The following FNDC3B variants were observed in gnomAD, a reference collection of about 807,000 sequenced individuals.
FNDC3B encodes the protein fibronectin type III domain-containing protein 3B.
Under a neutral mutation model 151.5 loss-of-function variants are expected in FNDC3B, and 12 were observed. The ratio of observed to expected loss-of-function variants is 0.08; its 90% CI spans 0.05 to 0.13. The LOEUF (loss-of-function observed/expected upper bound fraction) is 0.13, where lower values mean the gene tolerates loss of function less well. FNDC3B is among the 10% of genes least tolerant of loss of function. The probability of loss-of-function intolerance (pLI) is 1.00; values close to 1 mark genes in which losing one functional copy is unlikely to be tolerated. For synonymous variants in FNDC3B, 528 were observed against 549.0 expected, an observed-to-expected ratio of 0.96 and a Z score of 0.54; for missense variants, 1,214 against 1,505.3, an observed-to-expected ratio of 0.81 and a Z score of 3.20.
rs540662167 is a variant in FNDC3B at position 172,137,032 on chromosome 3, T to A, written c.187+3486T>A. Among the ~76,000 whole-genome samples, 43 of 152,294 alleles carry A rather than the reference T, an allele frequency of 2.8e-4. No homozygotes were observed. In the South Asian group the frequency reaches 8.3e-3, roughly 29 times the overall value. On this transcript the variant is annotated intron_variant, in intron 3 of 25. Coordinates refer to ENST00000415807, the MANE Select transcript of FNDC3B (RefSeq NM_022763.4). ...TTTTTCTAAATTGAGGGGAAGGTGA[T>A]GGGTGGTGGTGGCCTTCCTGGAAAT...
At chr3:172,098,759 C>T (rs770388700) in intron 1 of FNDC3B, among the ~76,000 whole-genome samples, 1 of 152,128 alleles carries the variant, frequency 6.6e-6, no homozygotes, top group Non-Finnish European at 1.5e-5. Flanking sequence ...TGGTTGTGAA[C>T]AACACTGGCT....
At chr3:172,336,194 A>T (rs1171394684) in intron 15 of FNDC3B, among the ~76,000 whole-genome samples, 6 of 152,248 alleles carry the variant, frequency 3.9e-5, no homozygotes, top group Non-Finnish European at 8.8e-5. Flanking sequence ...CTAAATTTAT[A>T]TATAAGTAAA....
At chr3:172,123,581 G>A (rs2108558011) in intron 2 of FNDC3B, among the ~76,000 whole-genome samples, 1 of 152,192 alleles carries the variant, frequency 6.6e-6, no homozygotes, top group East Asian at 1.9e-4. Context: ...GTGACATACA[G>A]AAGGATGTGC....
chr3:172,393,530 A>G (rs1467612840), intron 25 of FNDC3B, among the ~76,000 whole-genome samples: 3 of 152,220 alleles, frequency 2.0e-5, no homozygotes, highest in Non-Finnish European at 2.9e-5. Flanking sequence ...TCCAACAGCA[A>G]CTGTATACAC....
chr3:172,197,422 C>T (rs546703385), intron 3 of FNDC3B, among the ~76,000 whole-genome samples: 2 of 152,198 alleles, frequency 1.3e-5, no homozygotes, highest in East Asian at 3.9e-4. Flanking sequence ...TTGTATTTCC[C>T]ATAAACAAGG....
chr3:172,129,119 C>A (rs1460643265), intron 2 of FNDC3B, among the ~76,000 whole-genome samples: 1 of 152,152 alleles, frequency 6.6e-6, no homozygotes, highest in Non-Finnish European at 1.5e-5. Flanking sequence ...CAGGAATGCA[C>A]CACCATGTCC....
chr3:172,312,644 G>GTGCGTGCATGCACACACTCGTGCA (rs1731573733), intron 11 of FNDC3B, among the ~76,000 whole-genome samples: 1 of 151,816 alleles, frequency 6.6e-6, no homozygotes, highest in African/African-American at 2.4e-5. Context: ...GTGTATGTGC[G>GTGCGTGCATGCACACACTCGTGCA]TGCGTGCATG....
chr3:172,197,133 A>G (rs1043909294), intron 3 of FNDC3B, among the ~76,000 whole-genome samples: 1 of 152,144 alleles, frequency 6.6e-6, no homozygotes, highest in African/African-American at 2.4e-5. Context: ...GTGAGCCGAG[A>G]TGGCACCACT....
At chr3:172,355,845 CGCTGATGT>C (rs1179267341) in intron 22 of FNDC3B, among the ~76,000 whole-genome samples, 1 of 152,166 alleles carries the variant, frequency 6.6e-6, no homozygotes, top group Non-Finnish European at 1.5e-5. Flanking sequence ...TTGGTGGCCT[CGCTGATGT>C]GCAGTGCCCA....
chr3:172,125,047 G>A (rs1174134866), intron 2 of FNDC3B, among the ~76,000 whole-genome samples: 2 of 152,194 alleles, frequency 1.3e-5, no homozygotes, highest in African/African-American at 2.4e-5. Context: ...GGGAAAGGTG[G>A]AGCTGCCTGG....
At chr3:172,119,221 T>C (rs1720418697) in intron 2 of FNDC3B, among the ~76,000 whole-genome samples, 1 of 148,658 alleles carries the variant, frequency 6.7e-6, no homozygotes, top group Non-Finnish European at 1.5e-5. Context: ...TATGACTAAA[T>C]TTAGGAGTGA....
chr3:172,177,012 G>C (rs1484345365), intron 3 of FNDC3B, among the ~76,000 whole-genome samples: 1 of 152,196 alleles, frequency 6.6e-6, no homozygotes, highest in South Asian at 2.1e-4. Flanking sequence ...TAAGATTCTT[G>C]GTGAAGACAG....
At chr3:172,109,196 T>C (rs4894807) in intron 1 of FNDC3B, among the ~76,000 whole-genome samples, 97,221 of 146,388 alleles carry the variant, frequency 0.66, 32,559 homozygotes, top group East Asian at 0.78. Context: ...GACGGAGTCT[T>C]GCTCTGTCAC....
rs560038507 is a variant in FNDC3B at position 172,334,319 on chromosome 3, C to T, written c.1642-625C>T. ...TTAAAAAGTGGGGCTATTTTTATGT[C>T]CCCCCCCCCACCCCCATATTTTCCT... On this transcript the variant is annotated intron_variant, in intron 14 of 25. Coordinates refer to ENST00000415807, the MANE Select transcript of FNDC3B (RefSeq NM_022763.4). 2.9e-3 allele frequency among the ~76,000 whole-genome samples: 44 copies of T among 14,988 alleles called. No homozygotes were observed. The African/African-American group carries it at 0.03, about 10-fold the overall frequency. The allele number at this position is 14,988 out of a possible 152,430, so 9.8% of individuals were successfully genotyped here.
At chr3:172,112,338 A>G (rs1260912390) in intron 1 of FNDC3B, 114 bp from the exon 2 acceptor site, 5 of 674,700 alleles carry the variant, frequency 7.4e-6, no homozygotes, top group East Asian at 5.4e-5. Context: ...GGGCTCTCAA[A>G]TTAGAATAAC....
At chr3:172,053,776 C>CAAA (rs562005467) in intron 1 of FNDC3B, among the ~76,000 whole-genome samples, 44 of 113,366 alleles carry the variant, frequency 3.9e-4, no homozygotes, top group Admixed American at 3.2e-3. Flanking sequence ...AACTCCGTCT[C>CAAA]AAAAAAAAAA....
intron 3 of FNDC3B, among the ~76,000 whole-genome samples, chr3:172,196,660 G>A (rs930659300): frequency 6.6e-6 from 1 of 151,984 alleles, no homozygotes; most frequent in African/African-American, 2.4e-5. Context: ...CTTGGTGAAA[G>A]GTTCCCTTCT....
At chr3:172,386,209 C>T (rs971131248) in intron 25 of FNDC3B, among the ~76,000 whole-genome samples, 1 of 152,126 alleles carries the variant, frequency 6.6e-6, no homozygotes, top group Non-Finnish European at 1.5e-5. Flanking sequence ...AAAATTGTGT[C>T]TATATGCATG....
At chr3:172,396,918 A>G (rs1427170032) in intron 25 of FNDC3B, among the ~76,000 whole-genome samples, 2 of 152,242 alleles carry the variant, frequency 1.3e-5, no homozygotes, top group African/African-American at 4.8e-5. Flanking sequence ...ATTTCTAGTC[A>G]GTGCCTTATC....
Sources: allele counts gnomAD v4.1 joint callset (sites outside exome capture counted in the v4.1 genomes callset), GRCh38; gene constraint gnomAD v4.1.1; transcripts MANE v1.5; gene names NCBI Gene and HGNC (gene_info 2026-07-23, HGNC 2026-07-21).